The following ANKDD1B variants were observed in gnomAD, a reference collection of about 807,000 sequenced individuals.
ANKDD1B encodes the protein ankyrin repeat and death domain containing 1B, also known as ankyrin repeat and death domain-containing protein 1B.
ANKDD1B carries 57 observed loss-of-function variants against 59.7 expected under a neutral mutation model. The observed-to-expected ratio is 0.95, with a 90% CI of 0.77 to 1.19. The LOEUF (loss-of-function observed/expected upper bound fraction) is 1.19, where lower values mean the gene tolerates loss of function less well. ANKDD1B is among the 50% of genes most tolerant of loss of function. The pLI, the probability that ANKDD1B is intolerant of heterozygous loss-of-function variation, is 0.00. For missense variants in ANKDD1B, 602 were observed against 641.9 expected (o/e 0.94, Z 0.67); for synonymous variants, 216 against 239.5 (o/e 0.90, Z 0.91).
At chr5:75,661,727 T>C (rs2112021433) in intron 10 of ANKDD1B, among the ~76,000 whole-genome samples, 1 of 152,318 alleles carries the variant, frequency 6.6e-6, no homozygotes, top group Non-Finnish European at 1.5e-5. Flanking sequence ...ATACAGTCAA[T>C]GCTACCATTT....
chr5:75,657,531 C>A (rs780595003), intron 9 of ANKDD1B, among the ~76,000 whole-genome samples: 1 of 152,046 alleles, frequency 6.6e-6, no homozygotes, highest in Non-Finnish European at 1.5e-5. Flanking sequence ...TGGTACAGAT[C>A]TTTGATAGGT....
At chr5:75,618,822 T>C (rs931132730) in intron 2 of ANKDD1B, among the ~76,000 whole-genome samples, 8 of 152,200 alleles carry the variant, frequency 5.3e-5, no homozygotes. Flanking sequence ...CTCAGCTCAC[T>C]GCAACCTCCA....
At position 75,652,435 on chromosome 5, in the gene ANKDD1B, A is replaced by C. The variant is rs557107675; in HGVS notation, c.799-707A>C. Among the ~76,000 whole-genome samples the C allele has an allele frequency of 2.4e-4, 36 of 152,302 alleles. 1 individual carries two copies. The South Asian group carries it at 7.5e-3, about 32-fold the overall frequency. On this transcript the variant is annotated intron_variant, in intron 7 of 13. Coordinates refer to ENST00000601380, the MANE Select transcript of ANKDD1B (RefSeq NM_001276713.2). ...CCTTCACCCCGGTAATTAAAAACAC[A>C]ATGGATTTTCTATTTATTTATTTAG...
chr5:75,653,599 T>C (rs537003810), intron 8 of ANKDD1B, among the ~76,000 whole-genome samples: 11 of 152,338 alleles, frequency 7.2e-5, no homozygotes, highest in Admixed American at 7.2e-4. Flanking sequence ...AGAGTGATAA[T>C]TTTTCTCCCT....
intron 5 of ANKDD1B, among the ~76,000 whole-genome samples, chr5:75,630,713 T>A (rs1349224535): frequency 6.6e-6 from 1 of 152,244 alleles, no homozygotes; most frequent in Non-Finnish European, 1.5e-5. Flanking sequence ...TGATCGAGAT[T>A]AAGCAAAGAA....
rs748438463 is a variant in ANKDD1B at position 75,666,944 on chromosome 5, G to T, written c.1344G>T (p.Ser448=). Residue 448 remains serine (S), a synonymous_variant, in exon 12 of 14, where the codon TCG becomes TCT. Transcript: ENST00000601380. ...ATGAGTGGCAGAGGCTGGCCCGTTC[G>T]TGGAACTTTACAGATGACCAGATTA... ...KANEWQRLAR[S]WNFTDDQIRA... is the part of the protein sequence containing the mutation. 21 of 1,516,730 alleles carry T rather than the reference G, an allele frequency of 1.4e-5. No individual in the cohort carries two copies. The highest frequency in any genetic ancestry group is 3.5e-6 in the Non-Finnish European group (4 of 1,138,324). 94.0% of individuals were successfully genotyped at this position (1,516,730 alleles called of 1,614,324 possible).
chr5:75,631,447 G>T (rs112039206), intron 5 of ANKDD1B, among the ~76,000 whole-genome samples: 1 of 152,256 alleles, frequency 6.6e-6, no homozygotes, highest in Non-Finnish European at 1.5e-5. Context: ...TTCCAGAAGG[G>T]GAAACCATCT....
At chr5:75,659,906 C>T (rs1224310145) in intron 10 of ANKDD1B, among the ~76,000 whole-genome samples, 9 of 151,912 alleles carry the variant, frequency 5.9e-5, no homozygotes, top group Admixed American at 5.3e-4. Flanking sequence ...GGAGATATTA[C>T]TACATGGAGA....
intron 7 of ANKDD1B, among the ~76,000 whole-genome samples, chr5:75,644,121 T>A (rs375701677): frequency 9.4e-6 from 1 of 106,312 alleles, no homozygotes; most frequent in Admixed American, 8.9e-5. Context: ...AAGGAACAAC[T>A]GGTACCAGCC....
intron 3 of ANKDD1B, among the ~76,000 whole-genome samples, chr5:75,622,087 G>A (rs1025388881): frequency 6.6e-6 from 1 of 152,176 alleles, no homozygotes; most frequent in African/African-American, 2.4e-5. Context: ...TGAATGGTGA[G>A]CCTTGAGTTT....
chr5:75,632,136 A>C (rs939989410), intron 5 of ANKDD1B, among the ~76,000 whole-genome samples: 1 of 151,960 alleles, frequency 6.6e-6, no homozygotes, highest in Non-Finnish European at 1.5e-5. Context: ...AGAAAAAGAA[A>C]AAAAGACTCA....
intron 11 of ANKDD1B, 136 bp downstream of exon 11, chr5:75,663,625 C>A: frequency 1.4e-6 from 1 of 697,150 alleles, no homozygotes. Flanking sequence ...ACTGTCCCTT[C>A]TGTCTTGTGC....
chr5:75,653,081 C>G (rs1774871457), intron 7 of ANKDD1B, 61 bp from the exon 8 acceptor site: 2 of 1,153,814 alleles, frequency 1.7e-6, no homozygotes, highest in South Asian at 2.6e-5. Context: ...GTCATAAACA[C>G]CAGAAAACAT....
At chr5:75,634,710 T>C (rs1774252845) in intron 5 of ANKDD1B, 188 bp from the exon 6 acceptor site, 1 of 517,974 alleles carries the variant, frequency 1.9e-6, no homozygotes, top group African/African-American at 1.9e-5. Context: ...TGATGTGGAG[T>C]CTCCCACAGT....
In ANKDD1B at chr5:75,635,791, A is replaced by C; in HGVS notation, c.707A>C (p.Asn236Thr). 6.5e-7 allele frequency: 1 copy of C among 1,529,834 alleles called. No homozygotes were observed. The highest frequency in any genetic ancestry group is 1.4e-5 in the African/African-American group (1 of 73,024). The allele number at this position is 1,529,834 out of a possible 1,614,324, so 94.8% of individuals were successfully genotyped here. A position where few individuals can be genotyped will look rare whatever the true frequency, so the allele number is the denominator to read the frequency against. ...AGTGTGTCTCTGTTGCAGGGGGGAA[A>C]CACTGCCTTGCACCTCGCTGCGAAG... ...LHTSEKDKGG[N>T]TALHLAAKHG... is the part of the protein sequence containing the mutation. The change falls in exon 7 of 14, where the codon AAC becomes ACC. Residue 236 changes from asparagine (N) to threonine (T), a missense_variant. This residue lies in a region of ANKDD1B where 317 missense variants were observed against 304.6 expected (regional missense o/e 1.04). Coordinates refer to ENST00000601380, the MANE Select transcript of ANKDD1B (RefSeq NM_001276713.2).
At chr5:75,619,007 A>G (rs1237978249) in intron 2 of ANKDD1B, among the ~76,000 whole-genome samples, 2 of 152,214 alleles carry the variant, frequency 1.3e-5, no homozygotes, top group Admixed American at 6.5e-5. Flanking sequence ...TGGCCTCCCA[A>G]AGTGCTGGGA....
At chr5:75,621,585 T>C (rs557629283) in intron 3 of ANKDD1B, among the ~76,000 whole-genome samples, 1 of 152,316 alleles carries the variant, frequency 6.6e-6, no homozygotes, top group South Asian at 2.1e-4. Context: ...GCTTACTTCG[T>C]TTTAACAAAA....
At chr5:75,629,293 A>G (rs1054299461) in intron 5 of ANKDD1B, among the ~76,000 whole-genome samples, 11 of 151,110 alleles carry the variant, frequency 7.3e-5, no homozygotes, top group African/African-American at 2.7e-4. Context: ...CATGACACAT[A>G]TTTTTTTACC....
Position 75,671,565 on chromosome 5 carries a change from C to T in ANKDD1B, c.*525C>T, listed in dbSNP as rs1035739396. On this transcript the variant is annotated 3_prime_UTR_variant, in exon 14 of 14. Coordinates refer to ENST00000601380, the MANE Select transcript of ANKDD1B (RefSeq NM_001276713.2). ...GAAAATGCCTGTGTAGCCTCACGCC[C>T]ATAGTACGGAAATCAACTGCTATTT... 3 of 152,088 alleles carry T rather than the reference C, an allele frequency of 2.0e-5. No individual in the cohort carries two copies. Among genetic ancestry groups the T allele is most frequent in the Admixed American group, 1.3e-4 (2 of 15,270 alleles). The allele number at this position is 152,088 out of a possible 1,614,324, so 9.4% of individuals were successfully genotyped here.
Sources: allele counts gnomAD v4.1 joint callset (sites outside exome capture counted in the v4.1 genomes callset), GRCh38; gene constraint gnomAD v4.1.1; regional missense constraint gnomAD v4.1.1; transcripts MANE v1.5; gene names NCBI Gene and HGNC (gene_info 2026-07-23, HGNC 2026-07-21).